Variants in PREP observed in about 807,000 individuals in gnomAD.
The protein encoded by PREP is dJ355L5.1 (prolyl endopeptidase).
Under a neutral mutation model 87.6 loss-of-function variants are expected in PREP, and 29 were observed. That is an observed-to-expected ratio of 0.33 (90% CI 0.25 to 0.45). The LOEUF (loss-of-function observed/expected upper bound fraction) is 0.45. PREP is among the 20% of genes least tolerant of loss of function. The pLI, the probability that PREP is intolerant of heterozygous loss-of-function variation, is 1.00. For missense variants in PREP, 695 were observed against 886.5 expected (o/e 0.78, Z 2.74); for synonymous variants, 337 against 328.6 (o/e 1.03, Z -0.28).
rs779249575 is a variant in PREP, at chr6:105,367,152, TATATATC to T, written c.717+1744_717+1750del. Among the ~76,000 whole-genome samples, 51 of 152,326 alleles carry T rather than the reference TATATATC, an allele frequency of 3.3e-4. 1 individual carries two copies. The highest frequency in any genetic ancestry group is 5.2e-4 in the Admixed American group (8 of 15,302). ...GTTATAATGGTCAATTTTATGAGATTATATATCATATAATATTTTGGTAGCATATTTA... is the reference window on the plus strand; with the variant it reads ...GTTATAATGGTCAATTTTATGAGATTATATAATATTTTGGTAGCATATTTA... On this transcript the variant is annotated intron_variant, in intron 6 of 14. Transcript: ENST00000652536.
rs59902829 is a variant in PREP at position 105,277,106 on chromosome 6, A to T, written c.*1038T>A. Among the ~76,000 whole-genome samples the T allele has an allele frequency of 0.015, 2,296 of 151,988 alleles. 54 individuals are homozygous for T. The highest frequency in any genetic ancestry group is 0.053 in the African/African-American group (2,204 of 41,432). On this transcript the variant is annotated 3_prime_UTR_variant, in exon 15 of 15. Coordinates refer to ENST00000652536, the MANE Select transcript of PREP (RefSeq NM_002726.5). The stretch of plus-strand genomic sequence containing the variant: ...ATATGCCTTGAAAAAAATTTTATGG[A>T]TGAAAGTTTAAGGAATAGTATATCT...
At chr6:105,305,192 T>A (rs760644772) in intron 10 of PREP, among the ~76,000 whole-genome samples, 106 of 152,318 alleles carry the variant, frequency 7.0e-4, no homozygotes, top group Non-Finnish European at 1.3e-3. Context: ...TGTTCATTAA[T>A]AGAACAGAAG....
At chr6:105,345,568 A>C (rs1771774201) in intron 7 of PREP, among the ~76,000 whole-genome samples, 1 of 152,246 alleles carries the variant, frequency 6.6e-6, no homozygotes, top group African/African-American at 2.4e-5. Flanking sequence ...TGGCAGCTAA[A>C]GTGCTTTTAT....
At chr6:105,295,407 A>G (rs1013354674) in intron 10 of PREP, among the ~76,000 whole-genome samples, 4 of 151,818 alleles carry the variant, frequency 2.6e-5, no homozygotes, top group African/African-American at 9.7e-5. Flanking sequence ...TCTTTGGCAT[A>G]CAGATAGACT....
intron 10 of PREP, among the ~76,000 whole-genome samples, chr6:105,308,519 T>C (rs1279069653): frequency 2.0e-5 from 3 of 152,178 alleles, no homozygotes; most frequent in African/African-American, 7.2e-5. Flanking sequence ...CTAAAATAAC[T>C]CTTAAAGGCT....
chr6:105,289,122 T>C (rs1241407925), intron 10 of PREP, among the ~76,000 whole-genome samples: 2 of 152,196 alleles, frequency 1.3e-5, no homozygotes, highest in African/African-American at 4.8e-5. Flanking sequence ...ATTTGAATTC[T>C]TATTCCACAA....
chr6:105,349,709 A>G (rs1771894431), intron 7 of PREP, among the ~76,000 whole-genome samples: 1 of 152,138 alleles, frequency 6.6e-6, no homozygotes, highest in African/African-American at 2.4e-5. Flanking sequence ...AGGCTTTAAG[A>G]TATCAAAAGA....
chr6:105,339,903 TG>T (rs1583066152), intron 7 of PREP, among the ~76,000 whole-genome samples: 1 of 152,006 alleles, frequency 6.6e-6, no homozygotes. Flanking sequence ...AGATCAAATG[TG>T]GTCTGATTTT....
chr6:105,386,969 T>TG (rs1773011978), intron 2 of PREP, among the ~76,000 whole-genome samples: 1 of 152,134 alleles, frequency 6.6e-6, no homozygotes, highest in Non-Finnish European at 1.5e-5. Context: ...TCCCAACACT[T>TG]TGGGAGGCCA....
intron 2 of PREP, among the ~76,000 whole-genome samples, 155 bp from the exon 3 acceptor site, chr6:105,377,674 C>T (rs1285496960): frequency 6.6e-6 from 1 of 152,232 alleles, no homozygotes; most frequent in Non-Finnish European, 1.5e-5. Context: ...TACTCTTCTT[C>T]ATACCTGCCC....
chr6:105,282,082 A>T (rs1485956837), intron 13 of PREP, among the ~76,000 whole-genome samples, 180 bp from the exon 14 acceptor site: 1 of 152,078 alleles, frequency 6.6e-6, no homozygotes, highest in Non-Finnish European at 1.5e-5. Flanking sequence ...CCACTCTGAG[A>T]TCTGTCAGAG....
chr6:105,333,439 C>G lies in PREP; in HGVS notation c.890G>C (p.Gly297Ala). Residue 297 changes from glycine (G) to alanine (A), a missense_variant, in exon 8 of 15, where the codon GGG becomes GCG. Gly to Ala is a moderately conservative substitution (Grantham distance 60). This residue lies in a region of PREP where 517 missense variants were observed against 620.3 expected (regional missense o/e 0.83). Coordinates refer to ENST00000652536, the MANE Select transcript of PREP (RefSeq NM_002726.5). ...EGEYDYVTNE[G>A]TVFTFKTNRQ... ...ATTCGTCTTGAATGTGAACACCGTCCCCTCATTGGTCACGTAGTCATATTC... is the reference window on the plus strand; with the variant it reads ...ATTCGTCTTGAATGTGAACACCGTCGCCTCATTGGTCACGTAGTCATATTC... 5 of 1,614,142 alleles carry G rather than the reference C, an allele frequency of 3.1e-6. No homozygotes were observed. Among genetic ancestry groups the G allele is most frequent in the Non-Finnish European group, 4.2e-6 (5 of 1,180,020 alleles).
At chr6:105,332,950 A>G (rs1771375899) in intron 8 of PREP, among the ~76,000 whole-genome samples, 1 of 152,228 alleles carries the variant, frequency 6.6e-6, no homozygotes, top group Non-Finnish European at 1.5e-5. Context: ...AGGTTACTCA[A>G]AAGCTTAAAG....
intron 7 of PREP, among the ~76,000 whole-genome samples, chr6:105,350,704 A>G (rs1479710728): frequency 1.3e-5 from 2 of 152,226 alleles, no homozygotes; most frequent in Non-Finnish European, 2.9e-5. Context: ...GAACCTAAGA[A>G]TGAAAACTGA....
Position 105,302,836 on chromosome 6 carries a change from C to T in PREP, c.1318-13942G>A, listed in dbSNP as rs147568481. 7.4e-5 allele frequency: 27 copies of T among 363,024 alleles called. No individual in the cohort carries two copies. In the East Asian group the frequency reaches 1.4e-3, roughly 18 times the overall value. 22.5% of individuals were successfully genotyped at this position (363,024 alleles called of 1,614,324 possible). On this transcript the variant is annotated intron_variant, in intron 10 of 14. Transcript: ENST00000652536. ...TGATCTTAGCCATTGCTGCACAGGC[C>T]GCCCCCGCCGCCTGCTCCGAGGGCT...
chr6:105,368,817 A>T, intron 6 of PREP, 86 bp downstream of exon 6: 10 of 1,504,756 alleles, frequency 6.6e-6, no homozygotes, highest in Non-Finnish European at 9.1e-6. Flanking sequence ...TCTGCCATCC[A>T]TAAAGGTCAC....
intron 7 of PREP, among the ~76,000 whole-genome samples, chr6:105,350,276 T>A (rs79853885): frequency 0.028 from 4,221 of 152,278 alleles, 208 homozygotes; most frequent in African/African-American, 0.096. Context: ...TAAGTCCTTT[T>A]CTTTGCATTT....
intron 3 of PREP, among the ~76,000 whole-genome samples, chr6:105,376,652 C>A (rs1018644034): frequency 1.3e-5 from 2 of 152,194 alleles, no homozygotes; most frequent in Non-Finnish European, 2.9e-5. Context: ...AAGGTCAGTA[C>A]ACTTTCTCTG....
chr6:105,358,191 TTAACAAAAACA>T (rs1772152837), intron 6 of PREP, among the ~76,000 whole-genome samples: 1 of 152,066 alleles, frequency 6.6e-6, no homozygotes, highest in Non-Finnish European at 1.5e-5. Context: ...AAATAAAACA[TTAACAAAAACA>T]AAATTAAAAG....
Sources: gnomAD v4.1 joint callset for allele counts (sites outside exome capture counted in the v4.1 genomes callset) on GRCh38, gnomAD v4.1.1 for gene constraint, gnomAD v4.1.1 regional missense constraint, MANE v1.5 for transcripts, NCBI Gene and HGNC (gene_info 2026-07-23, HGNC 2026-07-21) for gene names.